The following FBXL17 variants were observed in gnomAD, a reference collection of about 807,000 sequenced individuals.
FBXL17 encodes the protein F-box and leucine rich repeat protein 17.
Under a neutral mutation model 66.2 loss-of-function variants are expected in FBXL17, and 22 were observed. The observed-to-expected ratio is 0.33, with a 90% confidence interval of 0.24 to 0.47. FBXL17 has a LOEUF of 0.47. Ranked by LOEUF, FBXL17 falls within the 20% of genes least tolerant of loss-of-function variation. FBXL17 has a pLI of 1.00. For synonymous variants in FBXL17, 474 were observed against 400.5 expected (o/e 1.18, Z -2.19); for missense variants, 878 against 948.2 (o/e 0.93, Z 0.97).
chr5:107,864,119 T>A (rs7730156), intron 8 of FBXL17, among the ~76,000 whole-genome samples: 3 of 152,070 alleles, frequency 2.0e-5, no homozygotes, highest in African/African-American at 4.8e-5. Context: ...AGGACTGTTA[T>A]AGCGATTAAA....
chr5:107,873,589 A>G (rs953119312), intron 8 of FBXL17, among the ~76,000 whole-genome samples: 2 of 152,006 alleles, frequency 1.3e-5, no homozygotes, highest in African/African-American at 4.8e-5. Flanking sequence ...TTCCTTCTCC[A>G]CCTGCAGTAG....
chr5:108,235,159 T>C (rs541233397), intron 4 of FBXL17, among the ~76,000 whole-genome samples: 8 of 152,342 alleles, frequency 5.3e-5, no homozygotes, highest in South Asian at 2.1e-4. Flanking sequence ...TGCCGGATTA[T>C]AGAGTTAATC....
chr5:107,917,137 C>T (rs1199628918), intron 7 of FBXL17, among the ~76,000 whole-genome samples: 1 of 152,184 alleles, frequency 6.6e-6, no homozygotes, highest in South Asian at 2.1e-4. Flanking sequence ...ACCGCCACTA[C>T]TATTACAATT....
At chr5:108,242,008 A>G (rs1389782743) in intron 4 of FBXL17, among the ~76,000 whole-genome samples, 1 of 152,216 alleles carries the variant, frequency 6.6e-6, no homozygotes, top group Non-Finnish European at 1.5e-5. Flanking sequence ...CTGTCCCACA[A>G]GAAATGCTAA....
chr5:108,033,241 T>C (rs1463890312), intron 6 of FBXL17, among the ~76,000 whole-genome samples: 1 of 152,190 alleles, frequency 6.6e-6, no homozygotes, highest in Non-Finnish European at 1.5e-5. Context: ...TCCATCAGTT[T>C]ATCTTATTTT....
chr5:107,954,918 T>G (rs1469129859), intron 7 of FBXL17, among the ~76,000 whole-genome samples: 1 of 152,168 alleles, frequency 6.6e-6, no homozygotes, highest in Non-Finnish European at 1.5e-5. Flanking sequence ...AACATGCTCA[T>G]AAAGCCAGAG....
In FBXL17 at chr5:108,309,032, C is replaced by G. The variant is rs531656338; in HGVS notation, c.1506+39367G>C. ...AGTAAAAGAAAAAACAAATACCTGG[C>G]AAGGCAATAGAGAATTATTACAGGG... On this transcript the variant is annotated intron_variant, in intron 4 of 8. Transcript: ENST00000542267. Among the ~76,000 whole-genome samples the G allele has an allele frequency of 3.9e-5, 6 of 151,970 alleles. No individual in the cohort carries two copies. In the South Asian group the frequency reaches 6.2e-4, roughly 16 times the overall value.
chr5:108,113,250 A>C (rs1750109044), intron 6 of FBXL17, among the ~76,000 whole-genome samples: 1 of 152,178 alleles, frequency 6.6e-6, no homozygotes, highest in South Asian at 2.1e-4. Flanking sequence ...TAACCTGACT[A>C]GATCTCAGTC....
At chr5:108,182,310 C>T (rs1474624926) in intron 6 of FBXL17, among the ~76,000 whole-genome samples, 1 of 152,172 alleles carries the variant, frequency 6.6e-6, no homozygotes, top group African/African-American at 2.4e-5. Context: ...TGGAAGGTTA[C>T]TAACCCATCT....
At chr5:107,957,527 C>T (rs1319543139) in intron 7 of FBXL17, among the ~76,000 whole-genome samples, 1 of 152,072 alleles carries the variant, frequency 6.6e-6, no homozygotes, top group Non-Finnish European at 1.5e-5. Context: ...TGTTAGTGAA[C>T]AGAGAGTTGA....
At chr5:108,146,761 G>A (rs1751577120) in intron 6 of FBXL17, among the ~76,000 whole-genome samples, 1 of 152,054 alleles carries the variant, frequency 6.6e-6, no homozygotes, top group Non-Finnish European at 1.5e-5. Flanking sequence ...CCTGGGGGTG[G>A]GGACACTCAA....
At chr5:108,331,714 T>C (rs1760131614) in intron 4 of FBXL17, among the ~76,000 whole-genome samples, 1 of 152,158 alleles carries the variant, frequency 6.6e-6, no homozygotes, top group South Asian at 2.1e-4. Context: ...CATTCCAAAC[T>C]GGGAAATGGC....
chr5:108,174,294 T>C (rs996165336), intron 6 of FBXL17, among the ~76,000 whole-genome samples: 3 of 152,200 alleles, frequency 2.0e-5, no homozygotes, highest in African/African-American at 7.2e-5. Context: ...ATGAGAGATA[T>C]ATTGTACAGG....
chr5:107,932,016 G>T (rs1355202661), intron 7 of FBXL17, among the ~76,000 whole-genome samples: 1 of 152,136 alleles, frequency 6.6e-6, no homozygotes, highest in East Asian at 1.9e-4. Context: ...TAATTCAGTA[G>T]ATCTGGAGTG....
chr5:107,985,681 T>C (rs1366175905), intron 7 of FBXL17, among the ~76,000 whole-genome samples: 1 of 152,208 alleles, frequency 6.6e-6, no homozygotes, highest in Non-Finnish European at 1.5e-5. Flanking sequence ...ATCTGAATGA[T>C]CTCATATTAA....
chr5:107,902,830 T>C (rs1233235184), intron 7 of FBXL17, among the ~76,000 whole-genome samples: 1 of 152,148 alleles, frequency 6.6e-6, no homozygotes, highest in African/African-American at 2.4e-5. Context: ...TTTTTTTTTT[T>C]AATAACTTGC....
intron 4 of FBXL17, among the ~76,000 whole-genome samples, chr5:108,265,534 C>T (rs776261452): frequency 6.6e-6 from 1 of 152,076 alleles, no homozygotes; most frequent in Non-Finnish European, 1.5e-5. Flanking sequence ...CAATGTTCAA[C>T]TGTATTTTGT....
At chr5:108,042,171 G>A (rs288149) in intron 6 of FBXL17, among the ~76,000 whole-genome samples, 23,931 of 152,182 alleles carry the variant, frequency 0.16, 2,276 homozygotes, top group South Asian at 0.42. Context: ...TGGGATTACA[G>A]GCGTGAGCCA....
At chr5:108,128,077 C>A (rs1471533684) in intron 6 of FBXL17, among the ~76,000 whole-genome samples, 1 of 151,984 alleles carries the variant, frequency 6.6e-6, no homozygotes. Flanking sequence ...GAAACCATGT[C>A]TCTACTAAAA....
Sources: allele counts gnomAD v4.1 joint callset (sites outside exome capture counted in the v4.1 genomes callset), GRCh38; gene constraint gnomAD v4.1.1; transcripts MANE v1.5; gene names NCBI Gene and HGNC (gene_info 2026-07-23, HGNC 2026-07-21).